Variants in GABRA1 observed in about 807,000 individuals in gnomAD.
GABRA1 encodes gamma-aminobutyric acid receptor subunit alpha-1.
A neutral mutation model predicts 48.9 loss-of-function variants in GABRA1; 9 were observed. The ratio of observed to expected loss-of-function variants is 0.18; its 90% CI spans 0.11 to 0.32. The LOEUF (loss-of-function observed/expected upper bound fraction) is 0.32, where lower values mean the gene tolerates loss of function less well. GABRA1 is among the 10% of genes least tolerant of loss of function. The probability of loss-of-function intolerance (pLI) is 1.00; values close to 1 mark genes in which losing one functional copy is unlikely to be tolerated. For missense variants in GABRA1, 285 were observed against 553.8 expected (o/e 0.51, Z 4.87); for synonymous variants, 210 against 198.7 (o/e 1.06, Z -0.48).
intron 6 of GABRA1, chr5:161,882,003 GAGA>G (rs750695868): frequency 1.2e-4 from 18 of 154,806 alleles, no homozygotes; most frequent in Middle Eastern, 3.2e-3. Flanking sequence ...GAAGGAGAAG[GAGA>G]AGAAGAAGAA....
chr5:161,882,036 A>T (rs4346807), intron 6 of GABRA1: 1 of 155,760 alleles, frequency 6.4e-6, no homozygotes, highest in Non-Finnish European at 1.4e-5. Context: ...TAGTTTGTCT[A>T]TTGGACAAAC....
intron 3 of GABRA1, 118 bp from the exon 4 acceptor site, chr5:161,865,603 A>G (rs1242300935): frequency 5.9e-6 from 5 of 850,868 alleles, no homozygotes; most frequent in African/African-American, 1.7e-5. Context: ...CAGTGGACCA[A>G]TTTTAGAAAT....
At chr5:161,890,772 G>A (rs775608184) in intron 7 of GABRA1, 126 bp from the exon 8 acceptor site, 21 of 857,996 alleles carry the variant, frequency 2.4e-5, no homozygotes, top group Non-Finnish European at 3.9e-5. Context: ...TTCCCTCCAA[G>A]AACTGGATGT....
Position 161,854,254 on chromosome 5 carries a change from G to A in GABRA1, c.171G>A (p.Leu57=), listed in dbSNP as rs760892094. 3 of 1,580,100 alleles carry A rather than the reference G, an allele frequency of 1.9e-6. No homozygotes were observed. In the East Asian group the frequency reaches 6.7e-5, roughly 35 times the overall value. ...TCCTAGATGGTTATGACAATCGCCT[G>A]AGACCAGGATTGGGAGGTAGGTTGC... ...DRLLDGYDNR[L]RPGLGERVTE... The change falls in exon 3 of 10, where the codon CTG becomes CTA. Residue 57 remains leucine (L), a synonymous_variant. Transcript: ENST00000393943.
chr5:161,869,211 T>C (rs1040070088), intron 4 of GABRA1, among the ~76,000 whole-genome samples: 9 of 152,174 alleles, frequency 5.9e-5, no homozygotes, highest in Non-Finnish European at 1.0e-4. Context: ...TGAGAACTAA[T>C]AAATTAATCT....
intron 5 of GABRA1, among the ~76,000 whole-genome samples, chr5:161,874,940 T>TAG (rs1754281197): frequency 6.6e-6 from 1 of 151,978 alleles, no homozygotes; most frequent in Non-Finnish European, 1.5e-5. Context: ...TCCCAGGGAC[T>TAG]AGAGAGAAGC....
intron 8 of GABRA1, among the ~76,000 whole-genome samples, chr5:161,891,488 G>C (rs1323031072): frequency 6.6e-6 from 1 of 152,054 alleles, no homozygotes; most frequent in Non-Finnish European, 1.5e-5. Flanking sequence ...GCCAATTAAT[G>C]ACCACCATAT....
chr5:161,865,845 A>G (rs1753813036), intron 4 of GABRA1, 57 bp downstream of exon 4: 1 of 1,444,202 alleles, frequency 6.9e-7, no homozygotes, highest in African/African-American at 1.4e-5. Flanking sequence ...TTAACTTTTC[A>G]AAGAAAAATA....
At chr5:161,877,188 T>C (rs915263147) in intron 6 of GABRA1, among the ~76,000 whole-genome samples, 1 of 152,166 alleles carries the variant, frequency 6.6e-6, no homozygotes, top group African/African-American at 2.4e-5. Context: ...CAAGTAAACC[T>C]TCCACCTTGG....
chr5:161,857,964 T>C lies in GABRA1; in HGVS notation c.187+3694T>C, dbSNP rs999773554. Among the ~76,000 whole-genome samples, 3 of 129,592 alleles carry C rather than the reference T, an allele frequency of 2.3e-5. No homozygotes were observed. In the Admixed American group the frequency reaches 2.4e-4, roughly 10 times the overall value. 85.0% of individuals were successfully genotyped at this position (129,592 alleles called of 152,430 possible). On this transcript the variant is annotated intron_variant, in intron 3 of 9. Coordinates refer to ENST00000393943, the MANE Select transcript of GABRA1 (RefSeq NM_001127644.2). Reference sequence around the variant, plus strand: ...AAAAAAGGATAAAAGTCAGAAAAAATGGGAAGATGTGAAAGAAAAAAGTTA... The same window carrying C: ...AAAAAAGGATAAAAGTCAGAAAAAACGGGAAGATGTGAAAGAAAAAAGTTA...
intron 8 of GABRA1, among the ~76,000 whole-genome samples, chr5:161,894,047 T>TA (rs1190981048): frequency 4.6e-5 from 7 of 152,148 alleles, no homozygotes; most frequent in African/African-American, 1.4e-4. Flanking sequence ...AAGATTTTTT[T>TA]AAAAAAATTG....
intron 1 of GABRA1, 68 bp downstream of exon 1, chr5:161,848,490 C>G (rs1561561480): frequency 1.0e-5 from 1 of 97,476 alleles, no homozygotes; most frequent in Non-Finnish European, 1.9e-5. Context: ...GCTGGAGAGA[C>G]AGGAATGTTA....
At position 161,865,642 on chromosome 5, in the gene GABRA1, T is replaced by C. The variant is rs1353973320; in HGVS notation, c.188-79T>C. 2.3e-5 allele frequency: 25 copies of C among 1,092,082 alleles called. No individual in the cohort carries two copies. The East Asian group carries it at 5.9e-4, about 26-fold the overall frequency. 67.6% of individuals were successfully genotyped at this position (1,092,082 alleles called of 1,614,324 possible). A position where few individuals can be genotyped will look rare whatever the true frequency, so the allele number is the denominator to read the frequency against. ...TAATCAAAGACAATCAATTTCCCAT[T>C]TGGGTGTCAGTATGTGGTGGTGAGA... is the stretch of plus-strand genomic sequence containing the variant. On this transcript the variant is annotated intron_variant, in intron 3 of 9. Transcript: ENST00000393943.
chr5:161,890,698 C>T (rs983839737), intron 7 of GABRA1, among the ~76,000 whole-genome samples, 200 bp from the exon 8 acceptor site: 1 of 152,108 alleles, frequency 6.6e-6, no homozygotes, highest in Non-Finnish European at 1.5e-5. Context: ...GCACCTCAGT[C>T]TCATCCTCAG....
intron 8 of GABRA1, among the ~76,000 whole-genome samples, chr5:161,894,543 C>G (rs1755271503): frequency 6.6e-6 from 1 of 152,118 alleles, no homozygotes; most frequent in South Asian, 2.1e-4. Flanking sequence ...GGTTAAATCA[C>G]TTAGCAGAGG....
At chr5:161,869,109 A>G (rs1358127137) in intron 4 of GABRA1, among the ~76,000 whole-genome samples, 1 of 152,194 alleles carries the variant, frequency 6.6e-6, no homozygotes, top group Non-Finnish European at 1.5e-5. Flanking sequence ...ATTGTGTACA[A>G]GAAGAAGCAG....
intron 8 of GABRA1, among the ~76,000 whole-genome samples, chr5:161,892,860 T>C (rs1019685821): frequency 2.0e-5 from 3 of 151,562 alleles, no homozygotes; most frequent in African/African-American, 7.3e-5. Flanking sequence ...AAAAATTAGC[T>C]GGGTGTAGTG....
intron 2 of GABRA1, 120 bp downstream of exon 2, chr5:161,851,004 G>A: frequency 1.2e-6 from 1 of 804,912 alleles, no homozygotes; most frequent in Non-Finnish European, 2.1e-6. Context: ...AAACTTAACT[G>A]CAATAATTTC....
chr5:161,873,009 C>T, intron 4 of GABRA1, 108 bp from the exon 5 acceptor site: 1 of 815,350 alleles, frequency 1.2e-6, no homozygotes, highest in South Asian at 1.4e-5. Flanking sequence ...CATCACCTAG[C>T]TAACATTATA....
Sources: gnomAD v4.1 joint callset for allele counts (sites outside exome capture counted in the v4.1 genomes callset) on GRCh38, gnomAD v4.1.1 for gene constraint, MANE v1.5 for transcripts, NCBI Gene and HGNC (gene_info 2026-07-23, HGNC 2026-07-21) for gene names.